Variants in GRID2 observed in about 807,000 individuals in gnomAD.
GRID2 encodes glutamate ionotropic receptor delta type subunit 2.
A neutral mutation model predicts 114.8 loss-of-function variants in GRID2; 33 were observed. That is an observed-to-expected ratio of 0.29 (90% CI 0.22 to 0.38). The LOEUF is 0.38. GRID2 is among the 10% of genes least tolerant of loss of function. The probability of loss-of-function intolerance (pLI) is 1.00; values close to 1 mark genes in which losing one functional copy is unlikely to be tolerated. For synonymous variants in GRID2, 505 were observed against 449.9 expected, an observed-to-expected ratio of 1.12 and a Z score of -1.55; for missense variants, 1,184 against 1,257.7, an observed-to-expected ratio of 0.94 and a Z score of 0.89.
downstream of GRID2, among the ~76,000 whole-genome samples, chr4:93,779,321 T>A (rs1561000843): frequency 6.6e-6 from 1 of 152,080 alleles, no homozygotes; most frequent in African/African-American, 2.4e-5. Flanking sequence ...AACAAATACT[T>A]TCTGAGCACC....
intron 8 of GRID2, among the ~76,000 whole-genome samples, chr4:93,341,650 C>G (rs1042698657): frequency 6.6e-6 from 1 of 152,194 alleles, no homozygotes; most frequent in South Asian, 2.1e-4. Flanking sequence ...ATGTGTACAT[C>G]TTCTTATTTG....
intron 1 of GRID2, among the ~76,000 whole-genome samples, chr4:92,359,303 A>C (rs979243725): frequency 6.6e-6 from 1 of 152,000 alleles, no homozygotes; most frequent in African/African-American, 2.4e-5. Context: ...AAAAAGATTG[A>C]AAAAATAACT....
intron 1 of GRID2, among the ~76,000 whole-genome samples, chr4:92,320,395 C>T (rs1726246909): frequency 6.6e-6 from 1 of 152,160 alleles, no homozygotes; most frequent in African/African-American, 2.4e-5. Flanking sequence ...ACTAATTCTA[C>T]ACCAGGAGGC....
chr4:93,120,338 A>G (rs1419284925), intron 4 of GRID2, among the ~76,000 whole-genome samples: 2 of 152,144 alleles, frequency 1.3e-5, no homozygotes, highest in Non-Finnish European at 2.9e-5. Flanking sequence ...AAGACTTAGA[A>G]CCAACCCACA....
intron 8 of GRID2, among the ~76,000 whole-genome samples, chr4:93,387,361 G>T (rs539495252): frequency 1.3e-5 from 2 of 151,988 alleles, no homozygotes; most frequent in Non-Finnish European, 2.9e-5. Flanking sequence ...CATACTGAAG[G>T]CTTTTGAAAA....
chr4:92,676,154 A>G (rs12642232), intron 2 of GRID2, among the ~76,000 whole-genome samples: 5,686 of 81,176 alleles, frequency 0.07, 274 homozygotes, highest in East Asian at 0.17. Flanking sequence ...TTGTCGTGTC[A>G]AGCCCCCCCC....
chr4:93,397,448 C>G (rs541046914), intron 9 of GRID2, among the ~76,000 whole-genome samples: 1 of 151,226 alleles, frequency 6.6e-6, no homozygotes, highest in Admixed American at 6.6e-5. Context: ...CAGTGAAAGA[C>G]GGTATATGTG....
intron 14 of GRID2, among the ~76,000 whole-genome samples, chr4:93,760,220 C>T (rs760944791): frequency 6.6e-6 from 1 of 152,128 alleles, no homozygotes; most frequent in Non-Finnish European, 1.5e-5. Flanking sequence ...TTGAAAAGGC[C>T]TTTATAAACT....
chr4:93,048,582 C>G (rs1281704472), intron 2 of GRID2, among the ~76,000 whole-genome samples: 1 of 152,006 alleles, frequency 6.6e-6, no homozygotes, highest in African/African-American at 2.4e-5. Context: ...TCCTTCGCCC[C>G]AAACCCCCAT....
intron 14 of GRID2, among the ~76,000 whole-genome samples, chr4:93,656,908 T>A (rs1042655929): frequency 1.3e-5 from 2 of 151,594 alleles, no homozygotes; most frequent in African/African-American, 4.8e-5. Context: ...GAGGTTCAAT[T>A]TTTTCTTGAG....
chr4:93,297,714 G>A (rs1278957985), intron 8 of GRID2, among the ~76,000 whole-genome samples: 1 of 152,108 alleles, frequency 6.6e-6, no homozygotes, highest in Non-Finnish European at 1.5e-5. Flanking sequence ...CATAGTATTG[G>A]CTAATATCAT....
At chr4:93,186,969 CCT>C (rs1426012793) in intron 4 of GRID2, among the ~76,000 whole-genome samples, 1 of 152,090 alleles carries the variant, frequency 6.6e-6, no homozygotes, top group African/African-American at 2.4e-5. Context: ...GTGAGGGCTC[CCT>C]CTCTGCTTTA....
At chr4:92,694,682 A>G (rs527334198) in intron 2 of GRID2, among the ~76,000 whole-genome samples, 1 of 152,188 alleles carries the variant, frequency 6.6e-6, no homozygotes, top group Non-Finnish European at 1.5e-5. Flanking sequence ...GCACAAGTTG[A>G]CATCTTGCTT....
At chr4:93,155,174 C>A (rs551815808) in intron 4 of GRID2, among the ~76,000 whole-genome samples, 2 of 152,056 alleles carry the variant, frequency 1.3e-5, no homozygotes, top group Non-Finnish European at 2.9e-5. Flanking sequence ...ATCTCACCTT[C>A]TCTTTATTCT....
At chr4:93,656,858 CAAAT>C (rs1723066244) in intron 14 of GRID2, among the ~76,000 whole-genome samples, 1 of 74,950 alleles carries the variant, frequency 1.3e-5, no homozygotes, top group Non-Finnish European at 2.8e-5. Context: ...AAAAAAAAAA[CAAAT>C]AATTCCAGCT....
intron 1 of GRID2, among the ~76,000 whole-genome samples, chr4:92,465,464 T>G (rs545580408): frequency 1.2e-3 from 190 of 152,214 alleles, no homozygotes; most frequent in African/African-American, 4.4e-3. Context: ...TTATTGATAT[T>G]ATGGAACTCA....
chr4:93,614,868 A>G (rs1171603111), intron 13 of GRID2, among the ~76,000 whole-genome samples: 1 of 152,254 alleles, frequency 6.6e-6, no homozygotes, highest in Non-Finnish European at 1.5e-5. Flanking sequence ...AAATAACAAC[A>G]GCAATAACAT....
intron 13 of GRID2, among the ~76,000 whole-genome samples, chr4:93,543,489 G>A (rs1732862519): frequency 6.6e-6 from 1 of 152,142 alleles, no homozygotes; most frequent in Admixed American, 6.6e-5. Flanking sequence ...TGTTATGTTA[G>A]GTATTGTTAT....
At chr4:92,348,302 C>T (rs1028117280) in intron 1 of GRID2, among the ~76,000 whole-genome samples, 12 of 152,248 alleles carry the variant, frequency 7.9e-5, no homozygotes, top group Middle Eastern at 3.4e-3. Context: ...TAGTTCTTAA[C>T]GTTTCAACCT....
Sources: gnomAD v4.1 joint callset for allele counts (sites outside exome capture counted in the v4.1 genomes callset) on GRCh38, gnomAD v4.1.1 for gene constraint, MANE v1.5 for transcripts, NCBI Gene and HGNC (gene_info 2026-07-23, HGNC 2026-07-21) for gene names.